FGF14: variants seen among roughly 807,000 people sequenced by gnomAD.
The protein encoded by FGF14 is fibroblast growth factor homologous factor 4.
FGF14 carries 5 observed loss-of-function variants against 25.5 expected under a neutral mutation model. That is an observed-to-expected ratio of 0.20 (90% confidence interval 0.10 to 0.41). FGF14 has a LOEUF of 0.41. Among genes scored for constraint, FGF14 ranks in the 10% least tolerant of loss-of-function variants. The pLI is 1.00. For missense variants in FGF14, 222 were observed against 320.1 expected, an observed-to-expected ratio of 0.69 and a Z score of 2.34; for synonymous variants, 138 against 118.3, an observed-to-expected ratio of 1.17 and a Z score of -1.08.
intron 1 of FGF14, among the ~76,000 whole-genome samples, chr13:102,122,768 G>A (rs566410497): frequency 6.6e-6 from 1 of 152,150 alleles, no homozygotes; most frequent in Non-Finnish European, 1.5e-5. Context: ...TACTTATTGA[G>A]GATGTAAATA....
At chr13:102,189,691 AC>A (rs2049048077) in intron 1 of FGF14, among the ~76,000 whole-genome samples, 1 of 152,142 alleles carries the variant, frequency 6.6e-6, no homozygotes, top group African/African-American at 2.4e-5. Context: ...AATACCTGAG[AC>A]TGGGTAATGT....
intron 1 of FGF14, among the ~76,000 whole-genome samples, chr13:102,352,704 C>T (rs1007984145): frequency 8.7e-5 from 13 of 149,870 alleles, no homozygotes; most frequent in Non-Finnish European, 1.9e-4. Flanking sequence ...CCCAGCTACT[C>T]GGGAGGCTGA....
intron 1 of FGF14, among the ~76,000 whole-genome samples, chr13:102,219,934 T>C (rs2050534924): frequency 6.6e-6 from 1 of 152,196 alleles, no homozygotes; most frequent in Admixed American, 6.5e-5. Flanking sequence ...ACTACATTTG[T>C]ATAAGACTAA....
At chr13:101,917,092 C>A (rs1229347376), upstream of FGF14, among the ~76,000 whole-genome samples, 1 of 151,522 alleles carries the variant, frequency 6.6e-6, no homozygotes, top group African/African-American at 2.4e-5. Flanking sequence ...CGGGTCCCGG[C>A]AGGGTCTCTG....
Position 102,143,087 on chromosome 13 carries a change from A to G in FGF14, c.208+258384T>C, listed in dbSNP as rs368730913. 6.6e-5 allele frequency among the ~76,000 whole-genome samples: 10 copies of G among 152,204 alleles called. No individual in the cohort carries two copies. In the East Asian group the frequency reaches 1.2e-3, roughly 18 times the overall value. On this transcript the variant is annotated intron_variant, in intron 1 of 4. Transcript: ENST00000376131. ...TATCCCCATACATGGCTGAATCCAC[A>G]GAAAATGGCAATTATGACACAGATA...
At chr13:102,035,437 T>G (rs2041423388) in intron 1 of FGF14, among the ~76,000 whole-genome samples, 1 of 152,144 alleles carries the variant, frequency 6.6e-6, no homozygotes, top group Admixed American at 6.6e-5. Flanking sequence ...ATTTCAATAC[T>G]AATTAGCTAC....
In FGF14 at chr13:101,721,436, T is replaced by C. The variant is rs947077421; in HGVS notation, c.*1395A>G. 1 of 123,264 alleles carries C rather than the reference T, an allele frequency of 8.1e-6. No individual in the cohort carries two copies. Among genetic ancestry groups the C allele is most frequent in the African/African-American group, 2.8e-5 (1 of 36,242 alleles). 7.6% of individuals were successfully genotyped at this position (123,264 alleles called of 1,614,324 possible). A position where few individuals can be genotyped will look rare whatever the true frequency, so the allele number is the denominator to read the frequency against. On this transcript the variant is annotated 3_prime_UTR_variant, in exon 5 of 5. Transcript: ENST00000376143. The stretch of plus-strand genomic sequence containing the variant: ...AATCCTCATGGATGAATGTGTTGGT[T>C]TGCCTTTATTTTCATCTAGGATAAT...
At chr13:101,910,228 A>G (rs1002674178) in intron 1 of FGF14, among the ~76,000 whole-genome samples, 2 of 152,080 alleles carry the variant, frequency 1.3e-5, no homozygotes, top group African/African-American at 4.8e-5. Context: ...ATGTACCCTA[A>G]AACATAAAGT....
In FGF14 at chr13:101,720,528, CTCTGTG is replaced by C. The variant is rs1455394385; in HGVS notation, c.*2297_*2302del. The C allele has an allele frequency of 5.4e-5, 5 of 92,694 alleles. No homozygotes were observed. Among genetic ancestry groups the C allele is most frequent in the African/African-American group, 1.9e-4 (4 of 21,218 alleles). The allele number at this position is 92,694 out of a possible 1,614,324, so 5.7% of individuals were successfully genotyped here. On this transcript the variant is annotated 3_prime_UTR_variant, in exon 5 of 5. Transcript: ENST00000376143. ...AGTAACAAATAGATGGGGGTGTTTG[CTCTGTG>C]TGTGTGTGTGTGTGTGTGTGTGTGT...
chr13:102,323,384 G>A (rs2138774235), intron 1 of FGF14, among the ~76,000 whole-genome samples: 1 of 152,132 alleles, frequency 6.6e-6, no homozygotes, highest in African/African-American at 2.4e-5. Context: ...TTCATTTCCT[G>A]TCTTTGTTAT....
intron 1 of FGF14, among the ~76,000 whole-genome samples, chr13:101,993,861 G>C (rs2039038376): frequency 6.6e-6 from 1 of 151,902 alleles, no homozygotes; most frequent in African/African-American, 2.4e-5. Context: ...CATGGCACAT[G>C]TACACATATG....
chr13:101,857,622 T>C (rs867229179), intron 3 of FGF14, among the ~76,000 whole-genome samples: 2 of 151,998 alleles, frequency 1.3e-5, no homozygotes. Context: ...CTTTCCATAA[T>C]GTAGTGAAGT....
chr13:101,850,513 TA>T lies in FGF14; in HGVS notation c.408+18211del, dbSNP rs2043766692. ...ATATATATATATATATATATATATA[TA>T]GAATTATATATTCTATATATATATA... On this transcript the variant is annotated intron_variant, in intron 3 of 4. Transcript: ENST00000376143. 9.5e-3 allele frequency among the ~76,000 whole-genome samples: 27 copies of T among 2,848 alleles called. 7 individuals carry two copies. Among genetic ancestry groups the T allele is most frequent in the Non-Finnish European group, 0.016 (22 of 1,416 alleles). 1.9% of individuals were successfully genotyped at this position (2,848 alleles called of 152,430 possible).
intron 1 of FGF14, among the ~76,000 whole-genome samples, chr13:102,340,170 G>A (rs552111731): frequency 2.0e-4 from 30 of 152,312 alleles, no homozygotes; most frequent in African/African-American, 7.2e-4. Context: ...ATTCTGTCTA[G>A]TAGTGCCCAG....
intron 1 of FGF14, among the ~76,000 whole-genome samples, chr13:102,270,234 ATC>A (rs750909031): frequency 5.5e-4 from 82 of 148,744 alleles, no homozygotes; most frequent in Admixed American, 6.0e-4. Context: ...AATGTCTTTC[ATC>A]TCTCTCTCTC....
At chr13:101,731,244 A>C (rs1480401441) in intron 3 of FGF14, among the ~76,000 whole-genome samples, 1 of 152,198 alleles carries the variant, frequency 6.6e-6, no homozygotes, top group Non-Finnish European at 1.5e-5. Flanking sequence ...GGCAGTGATA[A>C]TATGAAAATG....
intron 3 of FGF14, among the ~76,000 whole-genome samples, chr13:101,735,232 T>C (rs2036099552): frequency 1.3e-5 from 2 of 152,352 alleles, no homozygotes; most frequent in South Asian, 4.1e-4. Flanking sequence ...ATACGCTTAT[T>C]GTTTTATGCC....
At chr13:102,048,671 G>A (rs1193727382) in intron 1 of FGF14, among the ~76,000 whole-genome samples, 1 of 152,172 alleles carries the variant, frequency 6.6e-6, no homozygotes, top group Non-Finnish European at 1.5e-5. Context: ...TGTGTGAGAA[G>A]GAGCAGGCCC....
At chr13:102,247,293 C>G (rs181317425) in intron 1 of FGF14, among the ~76,000 whole-genome samples, 19 of 152,038 alleles carry the variant, frequency 1.2e-4, no homozygotes, top group Non-Finnish European at 2.4e-4. Context: ...ACAGAGTGAA[C>G]AGACAACCTA....
Sources: gnomAD v4.1 joint callset for allele counts (sites outside exome capture counted in the v4.1 genomes callset) on GRCh38, gnomAD v4.1.1 for gene constraint, MANE v1.5 for transcripts, NCBI Gene and HGNC (gene_info 2026-07-23, HGNC 2026-07-21) for gene names.